Variants in LIN9 observed in about 807,000 individuals in gnomAD.
LIN9 encodes protein lin-9 homolog.
LIN9 carries 18 observed loss-of-function variants against 78.0 expected under a neutral mutation model. The ratio of observed to expected loss-of-function variants is 0.23; its 90% CI spans 0.16 to 0.34. LIN9 has a LOEUF of 0.34. Among genes scored for constraint, LIN9 ranks in the 10% least tolerant of loss-of-function variants. LIN9 has a pLI of 1.00. For missense variants in LIN9, 451 were observed against 644.1 expected, an observed-to-expected ratio of 0.70 and a Z score of 3.25; for synonymous variants, 192 against 215.2, an observed-to-expected ratio of 0.89 and a Z score of 0.94.
chr1:226,291,536 T>C (rs373797102), intron 4 of LIN9, among the ~76,000 whole-genome samples: 14 of 152,116 alleles, frequency 9.2e-5, no homozygotes, highest in African/African-American at 3.4e-4. Context: ...TTCATAAGGA[T>C]AATCAAACTA....
intron 10 of LIN9, among the ~76,000 whole-genome samples, chr1:226,257,467 T>C (rs942622217): frequency 6.6e-6 from 1 of 152,210 alleles, no homozygotes; most frequent in Non-Finnish European, 1.5e-5. Flanking sequence ...TATATGCTTA[T>C]GCATGCTTAG....
chr1:226,287,371 G>A (rs1404167682), intron 5 of LIN9, among the ~76,000 whole-genome samples: 1 of 152,082 alleles, frequency 6.6e-6, no homozygotes, highest in East Asian at 1.9e-4. Context: ...CTCATTCACT[G>A]CAAATAATGG....
chr1:226,236,622 A>T (rs1327291032), intron 12 of LIN9, among the ~76,000 whole-genome samples: 1 of 151,592 alleles, frequency 6.6e-6, no homozygotes, highest in Non-Finnish European at 1.5e-5. Flanking sequence ...CGCCCAGCTA[A>T]TTTTTTTTGT....
intron 4 of LIN9, among the ~76,000 whole-genome samples, chr1:226,293,860 C>T (rs1004009098): frequency 6.6e-6 from 1 of 152,182 alleles, no homozygotes; most frequent in African/African-American, 2.4e-5. Flanking sequence ...CTTATGTGCA[C>T]TTGTCCTTGA....
At chr1:226,255,730 T>A (rs1659144600) in intron 10 of LIN9, among the ~76,000 whole-genome samples, 1 of 152,094 alleles carries the variant, frequency 6.6e-6, no homozygotes, top group African/African-American at 2.4e-5. Context: ...CTTGAGGATA[T>A]ATTATTTATT....
chr1:226,288,638 C>T (rs891593397), intron 4 of LIN9, among the ~76,000 whole-genome samples: 3 of 151,918 alleles, frequency 2.0e-5, no homozygotes, highest in Non-Finnish European at 4.4e-5. Context: ...ACTGGACAGG[C>T]CATAAGAGTT....
chr1:226,263,402 T>A (rs929393712), intron 10 of LIN9, among the ~76,000 whole-genome samples: 2 of 152,144 alleles, frequency 1.3e-5, no homozygotes, highest in African/African-American at 4.8e-5. Context: ...AATATCTGTA[T>A]CTTCTTCTCA....
rs539624679 is a variant in LIN9 at position 226,304,554 on chromosome 1, G to A, written c.32-3349C>T. Among the ~76,000 whole-genome samples the A allele has an allele frequency of 3.7e-4, 56 of 152,294 alleles. No homozygotes were observed. In the East Asian group the frequency reaches 0.01, roughly 27 times the overall value. On this transcript the variant is annotated intron_variant, in intron 1 of 14. Coordinates refer to ENST00000681046, the MANE Select transcript of LIN9 (RefSeq NM_001366245.2). ...GGAAATAAACAGGGTGATATTGGTG[G>A]GGACGGGGGAATTACTCTAAGTACT...
chr1:226,232,757 T>G (rs1212726811), intron 14 of LIN9, 151 bp from the exon 15 acceptor site: 2 of 533,430 alleles, frequency 3.7e-6, no homozygotes, highest in Non-Finnish European at 6.5e-6. Flanking sequence ...ATAATTCTAC[T>G]TCAGTAGTAG....
At chr1:226,304,302 C>T (rs1662760434) in intron 1 of LIN9, among the ~76,000 whole-genome samples, 1 of 152,124 alleles carries the variant, frequency 6.6e-6, no homozygotes, top group African/African-American at 2.4e-5. Context: ...GGTTTTCATA[C>T]TCATGTGTGA....
At chr1:226,300,536 G>C (rs1662463025) in intron 2 of LIN9, among the ~76,000 whole-genome samples, 1 of 152,134 alleles carries the variant, frequency 6.6e-6, no homozygotes, top group African/African-American at 2.4e-5. Flanking sequence ...GTGTGACAAA[G>C]CGAGACCCTG....
chr1:226,304,118 A>G (rs1437125625), intron 1 of LIN9, among the ~76,000 whole-genome samples: 1 of 152,248 alleles, frequency 6.6e-6, no homozygotes, highest in East Asian at 1.9e-4. Flanking sequence ...TGCATATATT[A>G]CACAGTTAAT....
chr1:226,289,004 C>T (rs377469678), intron 4 of LIN9, among the ~76,000 whole-genome samples: 6 of 152,024 alleles, frequency 3.9e-5, no homozygotes, highest in South Asian at 2.1e-4. Flanking sequence ...TTTGGGAGAC[C>T]GAGATGGGCG....
rs192543474 is a variant in LIN9, at chr1:226,268,071, A to G, written c.702T>C (p.His234=). ...TKVTARLRGV[H]DGLFTGQIDA... is the part of the protein sequence containing the mutation. ...CTATTTGTCCAGTGAACAAACCATC[A>G]TGAACACCACGTAATCGTGCTGAGA... Residue 234 remains histidine, a synonymous_variant, in exon 8 of 15, where the codon CAT becomes CAC. Transcript: ENST00000681046. 1.2e-6 allele frequency: 2 copies of G among 1,613,976 alleles called. No individual in the cohort carries two copies. The highest frequency in any genetic ancestry group is 1.3e-5 in the African/African-American group (1 of 75,052).
rs75640941 is a variant in LIN9 at position 226,249,525 on chromosome 1, T to C, written c.1119+1314A>G. 4.1e-3 allele frequency among the ~76,000 whole-genome samples: 632 copies of C among 152,348 alleles called. 26 individuals carry two copies. The South Asian group carries it at 0.075, about 18-fold the overall frequency. ...TAATTTTTGGATAAAAAAAATTCTATAATCCTAAAAGAGGATTGTTCTTTA... is the reference window on the plus strand; with the variant it reads ...TAATTTTTGGATAAAAAAAATTCTACAATCCTAAAAGAGGATTGTTCTTTA... On this transcript the variant is annotated intron_variant, in intron 11 of 14. Coordinates refer to ENST00000681046, the MANE Select transcript of LIN9 (RefSeq NM_001366245.2).
chr1:226,301,831 G>A (rs1174889263), intron 1 of LIN9, among the ~76,000 whole-genome samples: 1 of 152,194 alleles, frequency 6.6e-6, no homozygotes, highest in African/African-American at 2.4e-5. Context: ...GCTTTGGAAG[G>A]CCAAGGTGGG....
intron 4 of LIN9, among the ~76,000 whole-genome samples, chr1:226,293,773 G>A (rs56075291): frequency 0.041 from 6,178 of 152,190 alleles, 400 homozygotes; most frequent in African/African-American, 0.14. Context: ...GGCCAGACTC[G>A]TCTCAAACTC....
chr1:226,232,744 G>A (rs1657419373), intron 14 of LIN9, 138 bp from the exon 15 acceptor site: 3 of 544,980 alleles, frequency 5.5e-6, no homozygotes, highest in East Asian at 3.0e-5. Context: ...TAATATATTA[G>A]CCATAATTCT....
chr1:226,288,010 T>C (rs1661483993), intron 4 of LIN9, among the ~76,000 whole-genome samples: 2 of 152,112 alleles, frequency 1.3e-5, no homozygotes, highest in South Asian at 4.1e-4. Flanking sequence ...CTTGCTCTGT[T>C]GCCCAGGCTG....
Sources: allele counts gnomAD v4.1 joint callset (sites outside exome capture counted in the v4.1 genomes callset), GRCh38; gene constraint gnomAD v4.1.1; transcripts MANE v1.5; gene names NCBI Gene and HGNC (gene_info 2026-07-23, HGNC 2026-07-21).